CACNA2D3: variants seen among roughly 807,000 people sequenced by gnomAD.
CACNA2D3 encodes the protein calcium voltage-gated channel auxiliary subunit alpha2delta 3, also known as voltage-dependent calcium channel subunit alpha-2/delta-3.
CACNA2D3 carries 60 observed loss-of-function variants against 160.6 expected under a neutral mutation model. The observed-to-expected ratio is 0.37, with a 90% CI of 0.30 to 0.46. The LOEUF is 0.46. Among genes scored for constraint, CACNA2D3 ranks in the 20% least tolerant of loss-of-function variants. The pLI is 1.00. For synonymous variants in CACNA2D3, 558 were observed against 492.9 expected, an observed-to-expected ratio of 1.13 and a Z score of -1.75; for missense variants, 1,205 against 1,365.0, an observed-to-expected ratio of 0.88 and a Z score of 1.85.
At chr3:54,780,200 T>C (rs775111659) in intron 13 of CACNA2D3, among the ~76,000 whole-genome samples, 4 of 152,254 alleles carry the variant, frequency 2.6e-5, no homozygotes, top group Non-Finnish European at 5.9e-5. Flanking sequence ...ATGTGTCATA[T>C]TTGTCTTTCC....
intron 35 of CACNA2D3, among the ~76,000 whole-genome samples, chr3:55,070,261 T>G (rs1704771946): frequency 6.6e-6 from 1 of 151,842 alleles, no homozygotes. Flanking sequence ...TCAGTTGGAG[T>G]GATGAGGACT....
chr3:54,506,540 G>T (rs527938806), intron 5 of CACNA2D3, among the ~76,000 whole-genome samples: 4 of 152,308 alleles, frequency 2.6e-5, no homozygotes, highest in African/African-American at 9.6e-5. Flanking sequence ...GCTCAGCCGG[G>T]TTTGTGCTTT....
intron 2 of CACNA2D3, among the ~76,000 whole-genome samples, chr3:54,264,603 CAT>C (rs760853496): frequency 3.9e-5 from 6 of 152,254 alleles, no homozygotes; most frequent in Admixed American, 1.3e-4. Context: ...GAAACGGAGA[CAT>C]AGAGGATGTT....
chr3:54,449,566 G>T (rs1393073018), intron 4 of CACNA2D3, among the ~76,000 whole-genome samples: 1 of 152,152 alleles, frequency 6.6e-6, no homozygotes, highest in Non-Finnish European at 1.5e-5. Context: ...ATTGTTGGAG[G>T]TGGGGCCTGG....
chr3:54,478,947 A>T (rs1199170042), intron 4 of CACNA2D3, among the ~76,000 whole-genome samples: 2 of 151,810 alleles, frequency 1.3e-5, no homozygotes, highest in East Asian at 1.9e-4. Context: ...TATATATATA[A>T]AAAACCCATC....
chr3:54,435,109 C>G (rs911518545), intron 4 of CACNA2D3, among the ~76,000 whole-genome samples: 2 of 152,060 alleles, frequency 1.3e-5, no homozygotes, highest in African/African-American at 4.8e-5. Flanking sequence ...TACTCAGTCT[C>G]CCCAGCCCCA....
At chr3:54,309,655 A>G (rs1479724418) in intron 2 of CACNA2D3, among the ~76,000 whole-genome samples, 2 of 152,130 alleles carry the variant, frequency 1.3e-5, no homozygotes, top group Non-Finnish European at 2.9e-5. Context: ...GGGACCCCTG[A>G]TCATTCTGAC....
At chr3:54,532,848 C>G (rs964909960) in intron 5 of CACNA2D3, among the ~76,000 whole-genome samples, 2 of 152,156 alleles carry the variant, frequency 1.3e-5, no homozygotes, top group African/African-American at 2.4e-5. Context: ...AATGATAACT[C>G]TATTTTCAGT....
intron 13 of CACNA2D3, among the ~76,000 whole-genome samples, chr3:54,804,909 G>A (rs549407695): frequency 6.6e-6 from 1 of 152,144 alleles, no homozygotes; most frequent in East Asian, 1.9e-4. Flanking sequence ...ACTCAAAATG[G>A]CTCAACTACA....
intron 4 of CACNA2D3, among the ~76,000 whole-genome samples, chr3:54,449,465 A>C (rs1463784684): frequency 6.6e-6 from 1 of 152,204 alleles, no homozygotes; most frequent in Non-Finnish European, 1.5e-5. Flanking sequence ...ATATTAATTA[A>C]AATATAACCT....
chr3:54,889,516 C>G (rs1163683817), intron 24 of CACNA2D3, among the ~76,000 whole-genome samples: 1 of 151,964 alleles, frequency 6.6e-6, no homozygotes, highest in Non-Finnish European at 1.5e-5. Context: ...AGGATCATTC[C>G]CAGGTTTATA....
intron 2 of CACNA2D3, among the ~76,000 whole-genome samples, chr3:54,215,718 C>T (rs1213387722): frequency 6.6e-6 from 1 of 152,164 alleles, no homozygotes; most frequent in Non-Finnish European, 1.5e-5. Context: ...TCCAAAGTCA[C>T]CGGCTCACAA....
rs543832594 is a variant in CACNA2D3 at position 55,072,074 on chromosome 3, G to A, written c.2988-1371G>A. Among the ~76,000 whole-genome samples the A allele has an allele frequency of 3.3e-5, 5 of 152,338 alleles. No homozygotes were observed. The South Asian group carries it at 8.3e-4, about 25-fold the overall frequency. ...AGTGTTAAAGAGGGAAGGTAAAGAA[G>A]ATACAGACAGATATAGATGAAATTA... On this transcript the variant is annotated intron_variant, in intron 35 of 37. Transcript: ENST00000474759.
intron 4 of CACNA2D3, among the ~76,000 whole-genome samples, chr3:54,459,206 A>G (rs1700454227): frequency 6.6e-6 from 1 of 151,964 alleles, no homozygotes; most frequent in South Asian, 2.1e-4. Flanking sequence ...AGTCTTTGCT[A>G]TTGTGGATAG....
At chr3:54,545,275 A>G (rs1276840119) in intron 5 of CACNA2D3, among the ~76,000 whole-genome samples, 2 of 152,234 alleles carry the variant, frequency 1.3e-5, no homozygotes, top group African/African-American at 2.4e-5. Context: ...TGTTCTTTTT[A>G]AAACAATTTC....
At position 54,956,346 on chromosome 3, in the gene CACNA2D3, G is replaced by C. The variant is rs1336186827; in HGVS notation, c.2450-12104G>C. On this transcript the variant is annotated intron_variant, in intron 27 of 37. Transcript: ENST00000474759. ...GAATTGGAGATTCCGGGAAAAGAAAGTGATGGTCTTGTTGACCCACCACCA... is the reference window on the plus strand; with the variant it reads ...GAATTGGAGATTCCGGGAAAAGAAACTGATGGTCTTGTTGACCCACCACCA... Among the ~76,000 whole-genome samples, 4 of 152,226 alleles carry C rather than the reference G, an allele frequency of 2.6e-5. No homozygotes were observed. The South Asian group carries it at 8.3e-4, about 32-fold the overall frequency.
intron 3 of CACNA2D3, among the ~76,000 whole-genome samples, chr3:54,321,592 G>A (rs746685887): frequency 6.6e-6 from 1 of 152,116 alleles, no homozygotes; most frequent in Non-Finnish European, 1.5e-5. Flanking sequence ...TAACACCTCC[G>A]TGGTGGATGT....
At chr3:54,801,254 C>T (rs1363323389) in intron 13 of CACNA2D3, among the ~76,000 whole-genome samples, 3 of 152,144 alleles carry the variant, frequency 2.0e-5, no homozygotes, top group African/African-American at 4.8e-5. Flanking sequence ...TCCCAAAGTG[C>T]TGGGATTACA....
rs757740769 is a variant in CACNA2D3, at chr3:54,816,909, C to T, written c.1398+39C>T. ...TGTCACATTCCAGTCACCCCCAGAA[C>T]TCACGAGTCATGCATGCCTCCATGG... On this transcript the variant is annotated intron_variant, in intron 14 of 37. Coordinates refer to ENST00000474759, the MANE Select transcript of CACNA2D3 (RefSeq NM_018398.3). The T allele has an allele frequency of 3.7e-6, 6 of 1,611,290 alleles. No individual in the cohort carries two copies. In the Admixed American group the frequency reaches 8.3e-5, roughly 22 times the overall value.
Sources: gnomAD v4.1 joint callset for allele counts (sites outside exome capture counted in the v4.1 genomes callset) on GRCh38, gnomAD v4.1.1 for gene constraint, MANE v1.5 for transcripts, NCBI Gene and HGNC (gene_info 2026-07-23, HGNC 2026-07-21) for gene names.